The following CHSY3 variants were observed in gnomAD, a reference collection of about 807,000 sequenced individuals.
The protein encoded by CHSY3 is chondroitin sulfate synthase 3.
Under a neutral mutation model 67.2 loss-of-function variants are expected in CHSY3, and 35 were observed. The ratio of observed to expected loss-of-function variants is 0.52; its 90% confidence interval spans 0.40 to 0.69. The LOEUF (loss-of-function observed/expected upper bound fraction) is 0.69. Among genes scored for constraint, CHSY3 ranks in the 30% least tolerant of loss-of-function variants. The pLI, the probability that CHSY3 is intolerant of heterozygous loss-of-function variation, is 0.00. For synonymous variants in CHSY3, 474 were observed against 434.7 expected (o/e 1.09, Z -1.12); for missense variants, 1,069 against 1,138.5 (o/e 0.94, Z 0.88).
chr5:130,090,930 A>G (rs1487260619), intron 2 of CHSY3, among the ~76,000 whole-genome samples: 2 of 152,176 alleles, frequency 1.3e-5, no homozygotes, highest in Non-Finnish European at 2.9e-5. Context: ...TATTTAAAGC[A>G]TGTTGTTAGT....
chr5:130,135,738 C>T (rs1300798173), intron 2 of CHSY3, among the ~76,000 whole-genome samples: 1 of 152,120 alleles, frequency 6.6e-6, no homozygotes, highest in African/African-American at 2.4e-5. Flanking sequence ...GGAAATAACT[C>T]CGTGTGTCTC....
In CHSY3 at chr5:129,993,701, C is replaced by T. The variant is rs867793526; in HGVS notation, c.1086+85341C>T. Reference sequence around the variant, plus strand: ...TGTGTCTTTTAATTGGAGCATTTAGCCCATTTACATTTAAAGTTAATATTG... The same window carrying T: ...TGTGTCTTTTAATTGGAGCATTTAGTCCATTTACATTTAAAGTTAATATTG... On this transcript the variant is annotated intron_variant, in intron 2 of 2. Transcript: ENST00000305031. Among the ~76,000 whole-genome samples, 6 of 152,106 alleles carry T rather than the reference C, an allele frequency of 3.9e-5. No homozygotes were observed. In the South Asian group the frequency reaches 8.3e-4, roughly 21 times the overall value.
Position 130,020,447 on chromosome 5 carries a change from ATATATATATATATATT to A in CHSY3, c.1086+112089_1086+112104del, listed in dbSNP as rs1448949210. ...AATATATATATATATATATATATATATATATATATATATATTTTTTTTTTTTTTTTTTCCTCTGGCT... is the reference window on the plus strand; with the variant it reads ...AATATATATATATATATATATATATATTTTTTTTTTTTTTTTCCTCTGGCT... On this transcript the variant is annotated intron_variant, in intron 2 of 2. Transcript: ENST00000305031. Among the ~76,000 whole-genome samples, 100 of 37,352 alleles carry A rather than the reference ATATATATATATATATT, an allele frequency of 2.7e-3. 2 individuals carry two copies. The highest frequency in any genetic ancestry group is 9.5e-3 in the African/African-American group (79 of 8,358). 24.5% of individuals were successfully genotyped at this position (37,352 alleles called of 152,430 possible). A position where few individuals can be genotyped will look rare whatever the true frequency, so the allele number is the denominator to read the frequency against.
chr5:130,183,516 G>A (rs1770311870), intron 2 of CHSY3, among the ~76,000 whole-genome samples: 1 of 152,096 alleles, frequency 6.6e-6, no homozygotes, highest in African/African-American at 2.4e-5. Context: ...TTCCTCCTTA[G>A]GGTGAATCCT....
chr5:130,039,235 C>G (rs1394106476), intron 2 of CHSY3, among the ~76,000 whole-genome samples: 1 of 151,924 alleles, frequency 6.6e-6, no homozygotes, highest in Non-Finnish European at 1.5e-5. Context: ...AGATGACATC[C>G]CAGAGCTTTG....
chr5:129,953,028 C>T (rs973431084), intron 2 of CHSY3, among the ~76,000 whole-genome samples: 2 of 151,994 alleles, frequency 1.3e-5, no homozygotes, highest in South Asian at 2.1e-4. Flanking sequence ...ATGTGCAGAA[C>T]GTGCAGGTTT....
At chr5:130,128,014 C>G (rs1349581447) in intron 2 of CHSY3, among the ~76,000 whole-genome samples, 1 of 151,848 alleles carries the variant, frequency 6.6e-6, no homozygotes, top group Admixed American at 6.6e-5. Context: ...GAATTATATC[C>G]CAACTTTATA....
Position 130,184,793 on chromosome 5 carries a change from A to C in CHSY3, c.1651A>C (p.Arg551=), listed in dbSNP as rs1203622588. The change falls in exon 3 of 3, where the codon AGG becomes CGG. Residue 551 remains arginine (R), a synonymous_variant. Transcript: ENST00000305031. ...LLLLYKRHKG[R]KLTVPVRRHA... Reference sequence around the variant, plus strand: ...CCTTTTATACAAAAGACACAAGGGAAGGAAACTGACTGTGCCAGTGAGACG... The same window carrying C: ...CCTTTTATACAAAAGACACAAGGGACGGAAACTGACTGTGCCAGTGAGACG... The C allele has an allele frequency of 6.2e-7, 1 of 1,608,396 alleles. No individual in the cohort carries two copies. The highest frequency in any genetic ancestry group is 8.5e-7 in the Non-Finnish European group (1 of 1,174,740).
intron 2 of CHSY3, among the ~76,000 whole-genome samples, chr5:129,937,728 C>A (rs994437157): frequency 4.6e-5 from 7 of 152,032 alleles, no homozygotes; most frequent in African/African-American, 1.7e-4. Context: ...TTGGCCAAAA[C>A]AAAGGGGCTA....
intron 2 of CHSY3, among the ~76,000 whole-genome samples, chr5:130,081,718 C>T (rs1204022129): frequency 6.6e-6 from 1 of 152,158 alleles, no homozygotes; most frequent in African/African-American, 2.4e-5. Context: ...GCGCTCTTGC[C>T]TTCTACCATG....
intron 2 of CHSY3, among the ~76,000 whole-genome samples, chr5:130,024,288 T>A (rs1363410826): frequency 6.6e-6 from 1 of 152,068 alleles, no homozygotes; most frequent in African/African-American, 2.4e-5. Context: ...TTTCCATTAT[T>A]GATATAATCT....
chr5:129,974,356 C>T (rs1762732875), intron 2 of CHSY3, among the ~76,000 whole-genome samples: 1 of 151,986 alleles, frequency 6.6e-6, no homozygotes, highest in African/African-American at 2.4e-5. Flanking sequence ...ATACTGCGAC[C>T]TTTAATATGA....
intron 2 of CHSY3, among the ~76,000 whole-genome samples, chr5:130,020,498 C>G (rs1764359192): frequency 7.6e-6 from 1 of 132,140 alleles, no homozygotes; most frequent in Non-Finnish European, 1.6e-5. Context: ...TCCTCCACAT[C>G]CTTTTGATTA....
intron 2 of CHSY3, among the ~76,000 whole-genome samples, chr5:130,022,233 G>A (rs1764413381): frequency 6.6e-6 from 1 of 151,962 alleles, no homozygotes; most frequent in Non-Finnish European, 1.5e-5. Context: ...GTTTACCATG[G>A]CAATTATTGA....
At chr5:130,120,403 GAAT>G (rs1407974501) in intron 2 of CHSY3, among the ~76,000 whole-genome samples, 2 of 134,354 alleles carry the variant, frequency 1.5e-5, no homozygotes, top group Non-Finnish European at 3.1e-5. Context: ...AGGCTTCCCA[GAAT>G]AATATACGAT....
intron 2 of CHSY3, chr5:130,140,562 T>C (rs1025797326): frequency 8.8e-6 from 5 of 565,718 alleles, no homozygotes; most frequent in Non-Finnish European, 1.5e-5. Flanking sequence ...CTGCTGCTGC[T>C]ACTGCTTATA....
At chr5:130,140,373 G>A (rs2149718862) in intron 2 of CHSY3, 1 of 629,092 alleles carries the variant, frequency 1.6e-6, no homozygotes, top group Non-Finnish European at 2.8e-6. Flanking sequence ...TCTATCCAGA[G>A]GAAGTGTTTT....
intron 2 of CHSY3, among the ~76,000 whole-genome samples, chr5:130,088,463 T>C (rs974695897): frequency 5.3e-5 from 8 of 151,958 alleles, no homozygotes; most frequent in African/African-American, 1.7e-4. Context: ...AGAAAATTTT[T>C]GCAACCTACT....
intron 2 of CHSY3, among the ~76,000 whole-genome samples, chr5:129,971,257 A>G (rs1037436658): frequency 6.6e-6 from 1 of 151,628 alleles, no homozygotes; most frequent in Non-Finnish European, 1.5e-5. Flanking sequence ...ATAGTAAAAG[A>G]TAATAGATAT....
Sources: allele counts gnomAD v4.1 joint callset (sites outside exome capture counted in the v4.1 genomes callset), GRCh38; gene constraint gnomAD v4.1.1; transcripts MANE v1.5; gene names NCBI Gene and HGNC (gene_info 2026-07-23, HGNC 2026-07-21).